Variants in PTPRN2 observed in about 807,000 individuals in gnomAD.
PTPRN2 encodes protein tyrosine phosphatase receptor type N2.
Under a neutral mutation model 118.8 loss-of-function variants are expected in PTPRN2, and 74 were observed. That is an observed-to-expected ratio of 0.62 (90% CI 0.52 to 0.76). The LOEUF (loss-of-function observed/expected upper bound fraction) is 0.76, where lower values mean the gene tolerates loss of function less well. PTPRN2 is among the 30% of genes least tolerant of loss of function. The pLI is 0.00. For synonymous variants in PTPRN2, 641 were observed against 608.0 expected, an observed-to-expected ratio of 1.05 and a Z score of -0.80; for missense variants, 1,481 against 1,394.4, an observed-to-expected ratio of 1.06 and a Z score of -0.99.
rs1810875964 is a variant in PTPRN2 at position 158,067,649 on chromosome 7, G to C, written c.1723+13649C>G. On this transcript the variant is annotated intron_variant, in intron 11 of 22. Coordinates refer to ENST00000389418, the MANE Select transcript of PTPRN2 (RefSeq NM_002847.5). Reference sequence around the variant, plus strand: ...CTTTGTGGGTCGGGCAGTCCACCGTGACCACGCAGCTCTGCCTGTGGCGAA... The same window carrying C: ...CTTTGTGGGTCGGGCAGTCCACCGTCACCACGCAGCTCTGCCTGTGGCGAA... Among the ~76,000 whole-genome samples the C allele has an allele frequency of 2.0e-5, 3 of 152,178 alleles. No homozygotes were observed. In the South Asian group the frequency reaches 6.2e-4, roughly 32 times the overall value.
chr7:158,459,344 AGG>A (rs1818782109), intron 2 of PTPRN2, among the ~76,000 whole-genome samples: 2 of 114,438 alleles, frequency 1.7e-5, no homozygotes, highest in Admixed American at 9.0e-5. Flanking sequence ...TGGGACGAAC[AGG>A]CTCCAGAATC....
At chr7:158,192,189 G>T in intron 5 of PTPRN2, 138 bp downstream of exon 5, 2 of 1,033,950 alleles carry the variant, frequency 1.9e-6, no homozygotes, top group Non-Finnish European at 2.6e-6. Flanking sequence ...GAACACCGAA[G>T]CCCTGTTCAC....
chr7:158,486,568 C>G (rs147852588), intron 2 of PTPRN2, among the ~76,000 whole-genome samples: 2 of 152,094 alleles, frequency 1.3e-5, no homozygotes, highest in Non-Finnish European at 2.9e-5. Context: ...CTTCCAGAAC[C>G]CTTACAGTTT....
intron 3 of PTPRN2, among the ~76,000 whole-genome samples, chr7:158,304,509 A>T (rs1244907805): frequency 6.6e-6 from 1 of 151,706 alleles, no homozygotes; most frequent in Non-Finnish European, 1.5e-5. Flanking sequence ...GAGGCATAAG[A>T]CACCCGTCAA....
At chr7:157,996,280 C>T (rs10258292) in intron 11 of PTPRN2, among the ~76,000 whole-genome samples, 8 of 152,042 alleles carry the variant, frequency 5.3e-5, no homozygotes, top group Non-Finnish European at 7.3e-5. Context: ...AGACCCGGGA[C>T]GCTGGGAAGG....
chr7:157,563,820 A>ATGT (rs1799344407), intron 21 of PTPRN2, among the ~76,000 whole-genome samples: 2 of 148,432 alleles, frequency 1.3e-5, no homozygotes, highest in African/African-American at 5.1e-5. Flanking sequence ...ACGTGCTCCC[A>ATGT]CGTCACCACA....
At chr7:157,908,672 A>G (rs758843576) in intron 11 of PTPRN2, among the ~76,000 whole-genome samples, 2 of 152,226 alleles carry the variant, frequency 1.3e-5, no homozygotes, top group Non-Finnish European at 2.9e-5. Flanking sequence ...GGGATCTCAG[A>G]GCCAGAATTG....
intron 11 of PTPRN2, among the ~76,000 whole-genome samples, chr7:158,054,672 A>G (rs1457377349): frequency 6.6e-6 from 1 of 152,110 alleles, no homozygotes; most frequent in Non-Finnish European, 1.5e-5. Context: ...CTCTCTGCCC[A>G]TCCCACACCT....
intron 10 of PTPRN2, among the ~76,000 whole-genome samples, chr7:158,087,991 CAA>C: frequency 8.6e-6 from 1 of 115,636 alleles, no homozygotes; most frequent in Admixed American, 9.4e-5. Flanking sequence ...AGTCTTCACA[CAA>C]ACCTTCTTCC....
chr7:158,576,545 C>T (rs1229637886), intron 1 of PTPRN2, among the ~76,000 whole-genome samples: 5 of 152,140 alleles, frequency 3.3e-5, no homozygotes, highest in Non-Finnish European at 7.3e-5. Context: ...CAGAGGCCTC[C>T]GGGGAGTAAC....
At chr7:157,960,778 G>A (rs147900720) in intron 11 of PTPRN2, among the ~76,000 whole-genome samples, 2,718 of 151,750 alleles carry the variant, frequency 0.018, 72 homozygotes, top group African/African-American at 0.062. Flanking sequence ...AGGCTGAGGC[G>A]GGTGGATCAC....
At chr7:157,770,880 C>G (rs1015198275) in intron 12 of PTPRN2, among the ~76,000 whole-genome samples, 1 of 152,022 alleles carries the variant, frequency 6.6e-6, no homozygotes, top group African/African-American at 2.4e-5. Context: ...GCCCGCTTGG[C>G]CAGTTGAGGC....
At chr7:158,162,607 C>T (rs1340802740) in intron 6 of PTPRN2, among the ~76,000 whole-genome samples, 2 of 142,388 alleles carry the variant, frequency 1.4e-5, no homozygotes, top group South Asian at 4.5e-4. Flanking sequence ...ACTGGAGACG[C>T]TGAACTAGAT....
chr7:158,411,702 G>A (rs534016785), intron 2 of PTPRN2, among the ~76,000 whole-genome samples: 2 of 152,216 alleles, frequency 1.3e-5, no homozygotes, highest in East Asian at 1.9e-4. Context: ...GGTGGAAGGC[G>A]CCGCCCCGCG....
chr7:158,085,420 G>GCCCATCCACACAGATA lies in PTPRN2; in HGVS notation c.1644-4044_1644-4043insTATCTGTGTGGATGGG, dbSNP rs1563412552. ...CACGACGCCCATCCACACCCATGAC[G>GCCCATCCACACAGATA]CCCATCCACACCCACGACGCCCATC... On this transcript the variant is annotated intron_variant, in intron 10 of 22. Coordinates refer to ENST00000389418, the MANE Select transcript of PTPRN2 (RefSeq NM_002847.5). Among the ~76,000 whole-genome samples, 34 of 43,760 alleles carry GCCCATCCACACAGATA rather than the reference G, an allele frequency of 7.8e-4. 11 individuals are homozygous for GCCCATCCACACAGATA. Among genetic ancestry groups the GCCCATCCACACAGATA allele is most frequent in the Non-Finnish European group, 1.1e-3 (26 of 22,932 alleles). 28.7% of individuals were successfully genotyped at this position (43,760 alleles called of 152,430 possible). A position where few individuals can be genotyped will look rare whatever the true frequency, so the allele number is the denominator to read the frequency against.
chr7:158,229,728 A>T (rs1454331013), intron 3 of PTPRN2, among the ~76,000 whole-genome samples: 1 of 151,944 alleles, frequency 6.6e-6, no homozygotes, highest in African/African-American at 2.4e-5. Flanking sequence ...AGGGATGAAG[A>T]CCACTTGCAA....
chr7:158,580,860 A>C (rs1172979398), intron 1 of PTPRN2, among the ~76,000 whole-genome samples: 2 of 152,196 alleles, frequency 1.3e-5, no homozygotes, highest in Non-Finnish European at 2.9e-5. Flanking sequence ...ATTCCCTGCC[A>C]TTATGGGAAG....
chr7:157,686,620 C>T (rs554463795), intron 12 of PTPRN2, among the ~76,000 whole-genome samples: 16 of 152,318 alleles, frequency 1.1e-4, no homozygotes, highest in South Asian at 8.3e-4. Flanking sequence ...TTAGAGGCAT[C>T]TTATCAGTCT....
intron 11 of PTPRN2, among the ~76,000 whole-genome samples, chr7:158,018,948 G>T (rs527927605): frequency 5.4e-5 from 7 of 129,704 alleles, no homozygotes; most frequent in African/African-American, 2.0e-4. Flanking sequence ...AGACAAGAGG[G>T]AGACTTTGTT....
Sources: gnomAD v4.1 joint callset for allele counts (sites outside exome capture counted in the v4.1 genomes callset) on GRCh38, gnomAD v4.1.1 for gene constraint, MANE v1.5 for transcripts, NCBI Gene and HGNC (gene_info 2026-07-23, HGNC 2026-07-21) for gene names.